FAM162B: variants seen among roughly 807,000 people sequenced by gnomAD.
FAM162B encodes the protein protein FAM162B.
FAM162B carries 16 observed loss-of-function variants against 20.0 expected under a neutral mutation model. The observed-to-expected ratio is 0.80, with a 90% CI of 0.54 to 1.21. The LOEUF is 1.21. Ranked by LOEUF, FAM162B falls within the 50% of genes most tolerant of loss-of-function variation. The pLI is 0.00. For synonymous variants in FAM162B, 83 were observed against 89.7 expected, an observed-to-expected ratio of 0.93 and a Z score of 0.42; for missense variants, 260 against 227.5, an observed-to-expected ratio of 1.14 and a Z score of -0.92.
intron 3 of FAM162B, among the ~76,000 whole-genome samples, chr6:116,755,962 A>T (rs1188982284): frequency 1.3e-5 from 2 of 152,206 alleles, no homozygotes; most frequent in African/African-American, 4.8e-5. Context: ...GCACCTGGTC[A>T]CTCAAAAGTT....
chr6:116,759,910 C>T (rs1376983779), intron 3 of FAM162B, among the ~76,000 whole-genome samples: 2 of 152,120 alleles, frequency 1.3e-5, no homozygotes. Context: ...CTAGCTTATT[C>T]TCATCCTCCT....
intron 3 of FAM162B, among the ~76,000 whole-genome samples, chr6:116,755,658 TAGAG>T (rs1228894106): frequency 9.9e-5 from 15 of 152,190 alleles, no homozygotes; most frequent in Admixed American, 3.9e-4. Context: ...CTTTCAGAGA[TAGAG>T]AGAAGTCAAT....
intron 3 of FAM162B, among the ~76,000 whole-genome samples, chr6:116,757,292 C>T (rs1368324950): frequency 6.6e-6 from 1 of 151,830 alleles, no homozygotes; most frequent in East Asian, 1.9e-4. Flanking sequence ...TTTTCAGTTA[C>T]AATATTATAA....
chr6:116,756,980 GA>G (rs1398020759), intron 3 of FAM162B, among the ~76,000 whole-genome samples: 1 of 152,104 alleles, frequency 6.6e-6, no homozygotes, highest in Non-Finnish European at 1.5e-5. Context: ...TTTTTGGCCA[GA>G]AAATTACATG....
chr6:116,754,582 G>A (rs1583463539), intron 3 of FAM162B, among the ~76,000 whole-genome samples: 2 of 152,152 alleles, frequency 1.3e-5, no homozygotes, highest in African/African-American at 4.8e-5. Flanking sequence ...CTCTATGTCA[G>A]GAGTTGGAGA....
chr6:116,761,904 A>G, intron 3 of FAM162B, 73 bp downstream of exon 3: 1 of 1,086,104 alleles, frequency 9.2e-7, no homozygotes, highest in African/African-American at 1.6e-5. Context: ...TTGGTGAGAT[A>G]CTCTTTTAGG....
intron 3 of FAM162B, 34 bp from the exon 4 acceptor site, chr6:116,752,729 T>C (rs773884364): frequency 3.5e-6 from 2 of 576,848 alleles, no homozygotes; most frequent in South Asian, 4.0e-5. Context: ...TATATATATA[T>C]ATATAGATAC....
At chr6:116,761,350 A>G (rs1006311612) in intron 3 of FAM162B, among the ~76,000 whole-genome samples, 8 of 152,142 alleles carry the variant, frequency 5.3e-5, no homozygotes, top group African/African-American at 1.9e-4. Flanking sequence ...CAGACAAACT[A>G]GAATACCTTG....
At chr6:116,753,103 C>T (rs111523656) in intron 3 of FAM162B, among the ~76,000 whole-genome samples, 69 of 152,158 alleles carry the variant, frequency 4.5e-4, no homozygotes, top group African/African-American at 1.6e-3. Flanking sequence ...ACCAGTCTTT[C>T]CCTAGCCATA....
intron 2 of FAM162B, among the ~76,000 whole-genome samples, 169 bp downstream of exon 2, chr6:116,764,978 T>A (rs1231502472): frequency 6.6e-6 from 1 of 152,180 alleles, no homozygotes; most frequent in Non-Finnish European, 1.5e-5. Context: ...CACACCGCAC[T>A]GGAGGCGGGG....
At position 116,752,711 on chromosome 6, in the gene FAM162B, A is replaced by AATATATATATATATATATATATATAT. The variant is rs10556522; in HGVS notation, c.391-17_391-16insATATATATATATATATATATATATAT. ...GTTCTACAGCCTGTGGGGGGGAAGA[A>AATATATATATATATATATATATATAT]ATATATATATATATATATATATAGA... On this transcript the variant is annotated splice_polypyrimidine_tract_variant and intron_variant, in intron 3 of 3. Transcript: ENST00000368557. The AATATATATATATATATATATATATAT allele has an allele frequency of 4.3e-4, 205 of 481,400 alleles. 3 individuals carry two copies. The African/African-American group carries it at 4.6e-3, about 11-fold the overall frequency. The allele number at this position is 481,400 out of a possible 1,614,324, so 29.8% of individuals were successfully genotyped here.
chr6:116,752,338 C>T lies in FAM162B; in HGVS notation c.*259G>A, dbSNP rs1583462890. The T allele has an allele frequency of 1.2e-5, 2 of 169,350 alleles. No individual in the cohort carries two copies. The highest frequency in any genetic ancestry group is 1.3e-5 in the Non-Finnish European group (1 of 79,778). 10.5% of individuals were successfully genotyped at this position (169,350 alleles called of 1,614,324 possible). The stretch of plus-strand genomic sequence containing the variant: ...GCTGTGAAGTGTTGCCAATATTCTA[C>T]ATCTTCACTTTGGCAGTGGTTACAC... On this transcript the variant is annotated 3_prime_UTR_variant, in exon 4 of 4. Transcript: ENST00000368557.
At position 116,752,690 on chromosome 6, in the gene FAM162B, T is replaced by C; in HGVS notation, c.396A>G (p.Val132=). ...FAVIVSAKRA[V]ERHESLTSWN... ...AACTTGTTAAGGATTCATGTCGTTC[T>C]ACAGCCTGTGGGGGGGAAGAAATAT... The change falls in exon 4 of 4, where the codon GTA becomes GTG. Residue 132 remains valine (V), a synonymous_variant. Coordinates refer to ENST00000368557, the MANE Select transcript of FAM162B (RefSeq NM_001085480.3). 1.9e-6 allele frequency: 3 copies of C among 1,540,098 alleles called. No individual in the cohort carries two copies. The highest frequency in any genetic ancestry group is 3.5e-4 in the Middle Eastern group (2 of 5,762).
intron 3 of FAM162B, among the ~76,000 whole-genome samples, chr6:116,758,957 C>T (rs1035695320): frequency 7.9e-5 from 12 of 152,058 alleles, no homozygotes; most frequent in African/African-American, 2.2e-4. Flanking sequence ...TAGAGCTAGT[C>T]CTCCCTTAGA....
At chr6:116,761,645 C>T (rs929173047) in intron 3 of FAM162B, among the ~76,000 whole-genome samples, 23 of 49,768 alleles carry the variant, frequency 4.6e-4, no homozygotes, top group African/African-American at 2.4e-3. Context: ...CATATATATA[C>T]ACTTATATAT....
intron 1 of FAM162B, 53 bp downstream of exon 1, chr6:116,765,352 C>A: frequency 1.3e-6 from 2 of 1,522,720 alleles, no homozygotes; most frequent in Non-Finnish European, 1.8e-6. Context: ...CCCCTCGCTG[C>A]CCTCCCGCAA....
chr6:116,756,001 T>A (rs2114547801), intron 3 of FAM162B, among the ~76,000 whole-genome samples: 1 of 152,312 alleles, frequency 6.6e-6, no homozygotes, highest in East Asian at 1.9e-4. Flanking sequence ...GAGATTAATA[T>A]TTTCATGACT....
chr6:116,752,755 T>TATATAC (rs71012341), intron 3 of FAM162B, 60 bp from the exon 4 acceptor site: 23,286 of 429,558 alleles, frequency 0.054, 930 homozygotes, highest in African/African-American at 0.16. Flanking sequence ...TATATATATA[T>TATATAC]ATACATATAT....
intron 3 of FAM162B, among the ~76,000 whole-genome samples, chr6:116,758,846 G>A (rs1780083746): frequency 6.6e-6 from 1 of 152,040 alleles, no homozygotes; most frequent in African/African-American, 2.4e-5. Context: ...TATGTAGTGG[G>A]TTATTTATGT....
Sources: allele counts gnomAD v4.1 joint callset (sites outside exome capture counted in the v4.1 genomes callset), GRCh38; gene constraint gnomAD v4.1.1; transcripts MANE v1.5; gene names NCBI Gene and HGNC (gene_info 2026-07-23, HGNC 2026-07-21).